The following FBXL7 variants were observed in gnomAD, a reference collection of about 807,000 sequenced individuals.
The protein encoded by FBXL7 is F-box/LRR-repeat protein 7.
A neutral mutation model predicts 38.3 loss-of-function variants in FBXL7; 12 were observed. The observed-to-expected ratio is 0.31, with a 90% confidence interval of 0.20 to 0.51. The LOEUF is 0.51. Ranked by LOEUF, FBXL7 falls within the 20% of genes least tolerant of loss-of-function variation. The pLI is 0.98. For synonymous variants in FBXL7, 297 were observed against 300.9 expected, an observed-to-expected ratio of 0.99 and a Z score of 0.13; for missense variants, 567 against 676.4, an observed-to-expected ratio of 0.84 and a Z score of 1.79.
At chr5:15,608,947 C>A (rs1222875731) in intron 1 of FBXL7, among the ~76,000 whole-genome samples, 1 of 152,160 alleles carries the variant, frequency 6.6e-6, no homozygotes, top group Non-Finnish European at 1.5e-5. Context: ...AGGTTTTTAT[C>A]CCCGTGTTAC....
chr5:15,774,007 T>C (rs1736796342), intron 2 of FBXL7, among the ~76,000 whole-genome samples: 1 of 152,146 alleles, frequency 6.6e-6, no homozygotes, highest in South Asian at 2.1e-4. Context: ...TTATTACTGC[T>C]GTAGCAAATT....
intron 2 of FBXL7, among the ~76,000 whole-genome samples, chr5:15,894,012 G>T (rs1433341530): frequency 6.6e-6 from 1 of 152,268 alleles, no homozygotes; most frequent in African/African-American, 2.4e-5. Context: ...TCCCAGCCAG[G>T]CGCGGTGGCT....
intron 2 of FBXL7, among the ~76,000 whole-genome samples, chr5:15,724,008 C>T (rs556286557): frequency 6.6e-6 from 1 of 152,194 alleles, no homozygotes; most frequent in Admixed American, 6.5e-5. Context: ...GAATGTGTTG[C>T]CTGGTCTCAT....
intron 2 of FBXL7, among the ~76,000 whole-genome samples, chr5:15,638,465 A>G (rs900689091): frequency 2.6e-5 from 4 of 152,220 alleles, no homozygotes; most frequent in African/African-American, 9.6e-5. Context: ...GGCCTGTCTA[A>G]TGAGAATCGG....
intron 2 of FBXL7, among the ~76,000 whole-genome samples, chr5:15,789,917 C>T (rs533684777): frequency 7.9e-5 from 12 of 152,140 alleles, no homozygotes; most frequent in Non-Finnish European, 1.5e-4. Flanking sequence ...TGCGTGTGAC[C>T]TGCCTGGGTG....
At chr5:15,684,932 A>G (rs764301583) in intron 2 of FBXL7, among the ~76,000 whole-genome samples, 2 of 152,232 alleles carry the variant, frequency 1.3e-5, no homozygotes. Context: ...GTGCTAGTTA[A>G]AGCAGAAATA....
intron 2 of FBXL7, among the ~76,000 whole-genome samples, chr5:15,856,098 T>G (rs1739262542): frequency 6.6e-6 from 1 of 152,148 alleles, no homozygotes; most frequent in Non-Finnish European, 1.5e-5. Flanking sequence ...TATACTTCCA[T>G]GTGGCTGGGG....
At chr5:15,822,128 G>A (rs962740500) in intron 2 of FBXL7, among the ~76,000 whole-genome samples, 7 of 150,382 alleles carry the variant, frequency 4.7e-5, no homozygotes, top group African/African-American at 7.4e-5. Flanking sequence ...TGAGTCAGGC[G>A]AATCACGAGG....
At chr5:15,917,298 C>A (rs981872325) in intron 2 of FBXL7, among the ~76,000 whole-genome samples, 3 of 152,026 alleles carry the variant, frequency 2.0e-5, no homozygotes, top group Admixed American at 1.3e-4. Flanking sequence ...ACTTGGAAAA[C>A]CAGTATCACT....
intron 2 of FBXL7, among the ~76,000 whole-genome samples, chr5:15,837,831 T>C (rs934724016): frequency 3.3e-5 from 5 of 152,300 alleles, no homozygotes; most frequent in African/African-American, 9.6e-5. Flanking sequence ...TCTGGGCTCG[T>C]TGAAACTCTG....
At chr5:15,879,755 A>T (rs189705355) in intron 2 of FBXL7, among the ~76,000 whole-genome samples, 1 of 152,280 alleles carries the variant, frequency 6.6e-6, no homozygotes, top group East Asian at 1.9e-4. Flanking sequence ...TGTGAACAAG[A>T]CCAAAAAGGA....
chr5:15,770,528 C>A (rs192159324), intron 2 of FBXL7, among the ~76,000 whole-genome samples: 1 of 152,226 alleles, frequency 6.6e-6, no homozygotes, highest in Non-Finnish European at 1.5e-5. Context: ...TGCAGAGATG[C>A]CAGTGGCGAG....
At chr5:15,642,097 T>G (rs1741386231) in intron 2 of FBXL7, among the ~76,000 whole-genome samples, 1 of 151,952 alleles carries the variant, frequency 6.6e-6, no homozygotes, top group South Asian at 2.1e-4. Flanking sequence ...GCCCAACACA[T>G]GAATTTGAGA....
chr5:15,886,316 C>A (rs759674713), intron 2 of FBXL7, among the ~76,000 whole-genome samples: 62 of 151,844 alleles, frequency 4.1e-4, no homozygotes, highest in Non-Finnish European at 8.7e-4. Flanking sequence ...AGTGGCCATG[C>A]ATATTTTTAC....
chr5:15,856,492 A>G (rs1196743518), intron 2 of FBXL7, among the ~76,000 whole-genome samples: 1 of 151,790 alleles, frequency 6.6e-6, no homozygotes, highest in Non-Finnish European at 1.5e-5. Context: ...CACAACAAAC[A>G]CCCACAACCC....
intron 2 of FBXL7, among the ~76,000 whole-genome samples, chr5:15,744,492 C>G (rs1006076249): frequency 6.6e-6 from 1 of 152,176 alleles, no homozygotes; most frequent in Non-Finnish European, 1.5e-5. Flanking sequence ...TTCAACAAGT[C>G]TCTAGGAAGT....
intron 2 of FBXL7, among the ~76,000 whole-genome samples, chr5:15,793,671 A>G (rs1403387580): frequency 1.3e-5 from 2 of 152,198 alleles, no homozygotes; most frequent in African/African-American, 4.8e-5. Context: ...TGCACTGTAT[A>G]GTAACTTAAG....
intron 2 of FBXL7, among the ~76,000 whole-genome samples, chr5:15,660,081 T>A (rs1742009893): frequency 6.6e-6 from 1 of 152,230 alleles, no homozygotes; most frequent in Non-Finnish European, 1.5e-5. Context: ...CTTATTCACT[T>A]TATTTTTCCT....
At chr5:15,801,242 C>T (rs892385962) in intron 2 of FBXL7, among the ~76,000 whole-genome samples, 1 of 152,072 alleles carries the variant, frequency 6.6e-6, no homozygotes, top group Admixed American at 6.5e-5. Flanking sequence ...TATAGGCTGG[C>T]CAAGCTGACA....
Sources: gnomAD v4.1 joint callset for allele counts (sites outside exome capture counted in the v4.1 genomes callset) on GRCh38, gnomAD v4.1.1 for gene constraint, MANE v1.5 for transcripts, NCBI Gene and HGNC (gene_info 2026-07-23, HGNC 2026-07-21) for gene names.